KHDRBS2: variants seen among roughly 807,000 people sequenced by gnomAD.
KHDRBS2 encodes KH domain-containing, RNA-binding, signal transduction-associated protein 2.
KHDRBS2 carries 26 observed loss-of-function variants against 44.3 expected under a neutral mutation model. The ratio of observed to expected loss-of-function variants is 0.59; its 90% CI spans 0.43 to 0.81. The LOEUF (loss-of-function observed/expected upper bound fraction) is 0.81, where lower values mean the gene tolerates loss of function less well. Ranked by LOEUF, KHDRBS2 falls within the 40% of genes least tolerant of loss-of-function variation. The pLI is 0.00. For missense variants in KHDRBS2, 476 were observed against 433.1 expected (o/e 1.10, Z -0.88); for synonymous variants, 194 against 151.1 (o/e 1.28, Z -2.08).
chr6:62,226,774 A>C (rs1831910161), intron 1 of KHDRBS2, among the ~76,000 whole-genome samples: 2 of 152,168 alleles, frequency 1.3e-5, no homozygotes, highest in African/African-American at 4.8e-5. Context: ...CATCTATTGA[A>C]TAGGAGATCC....
Position 62,153,591 on chromosome 6 carries a change from T to C in KHDRBS2, c.219+23594A>G, listed in dbSNP as rs147772838. Among the ~76,000 whole-genome samples, 842 of 152,162 alleles carry C rather than the reference T, an allele frequency of 5.5e-3. 9 individuals are homozygous for C. Among genetic ancestry groups the C allele is most frequent in the African/African-American group, 0.019 (801 of 41,498 alleles). On this transcript the variant is annotated intron_variant, in intron 2 of 8. Coordinates refer to ENST00000281156, the MANE Select transcript of KHDRBS2 (RefSeq NM_152688.4). ...AATTAAATAAATATGAACTCTGATATTTATTGTTGTTGATTTTAAAGCATG... is the reference window on the plus strand; with the variant it reads ...AATTAAATAAATATGAACTCTGATACTTATTGTTGTTGATTTTAAAGCATG...
chr6:61,905,045 A>C (rs1165109630), intron 4 of KHDRBS2, among the ~76,000 whole-genome samples: 4 of 152,186 alleles, frequency 2.6e-5, no homozygotes, highest in Non-Finnish European at 4.4e-5. Context: ...TTTACTTTAA[A>C]GTGGTTAGAG....
intron 2 of KHDRBS2, among the ~76,000 whole-genome samples, chr6:62,172,644 A>G (rs888778648): frequency 1.4e-5 from 2 of 142,354 alleles, no homozygotes; most frequent in African/African-American, 5.1e-5. Context: ...CTCTCTGCAC[A>G]TGGCACTTTA....
intron 2 of KHDRBS2, among the ~76,000 whole-genome samples, chr6:62,063,571 A>T (rs1792649402): frequency 6.6e-6 from 1 of 151,794 alleles, no homozygotes; most frequent in Non-Finnish European, 1.5e-5. Context: ...CTTTGACAAA[A>T]TTCAACAACC....
At chr6:61,749,499 C>T (rs999460540) in intron 6 of KHDRBS2, among the ~76,000 whole-genome samples, 10 of 152,132 alleles carry the variant, frequency 6.6e-5, no homozygotes, top group Non-Finnish European at 1.0e-4. Context: ...TAAATGATGT[C>T]AGTTTGAGAG....
chr6:61,583,296 G>T, the KHDRBS2 span, among the ~76,000 whole-genome samples: 1 of 151,664 alleles, frequency 6.6e-6, no homozygotes, highest in Admixed American at 6.6e-5. Flanking sequence ...CATCTATATT[G>T]TTGCATATAT....
the KHDRBS2 span, among the ~76,000 whole-genome samples, chr6:61,645,541 T>A: frequency 6.7e-6 from 1 of 150,186 alleles, no homozygotes; most frequent in East Asian, 2.0e-4. Flanking sequence ...AAAAAGGTAT[T>A]TGAGTAGTCC....
At chr6:62,178,928 A>G (rs1355140890) in intron 1 of KHDRBS2, among the ~76,000 whole-genome samples, 1 of 151,512 alleles carries the variant, frequency 6.6e-6, no homozygotes, top group East Asian at 1.9e-4. Flanking sequence ...GTTTCATATA[A>G]ATTTATTTAT....
intron 6 of KHDRBS2, among the ~76,000 whole-genome samples, chr6:61,848,782 A>C (rs1795022642): frequency 6.6e-6 from 1 of 150,768 alleles, no homozygotes; most frequent in Admixed American, 6.7e-5. Flanking sequence ...TTGTATATTT[A>C]TTTCCTTTTT....
the KHDRBS2 span, among the ~76,000 whole-genome samples, chr6:61,642,139 C>G: frequency 6.6e-6 from 1 of 152,102 alleles, no homozygotes; most frequent in African/African-American, 2.4e-5. Context: ...GTTCCTATTC[C>G]CTACTTCTGT....
At chr6:62,114,733 AG>A (rs1805806539) in intron 2 of KHDRBS2, among the ~76,000 whole-genome samples, 1 of 149,070 alleles carries the variant, frequency 6.7e-6, no homozygotes, top group Admixed American at 6.6e-5. Context: ...CCCATTTTAC[AG>A]ACAAGGAATC....
chr6:62,176,421 A>G (rs2150122669), intron 2 of KHDRBS2, among the ~76,000 whole-genome samples: 1 of 151,506 alleles, frequency 6.6e-6, no homozygotes, highest in East Asian at 1.9e-4. Flanking sequence ...TTGGTAAACC[A>G]GAGCATTTAT....
intron 3 of KHDRBS2, among the ~76,000 whole-genome samples, chr6:61,988,948 C>T (rs890700409): frequency 4.6e-5 from 7 of 152,012 alleles, no homozygotes; most frequent in Non-Finnish European, 7.4e-5. Context: ...AAAAGATGAA[C>T]GCTTGAATAA....
chr6:61,997,744 C>G (rs566486550), intron 3 of KHDRBS2, among the ~76,000 whole-genome samples: 4 of 152,290 alleles, frequency 2.6e-5, no homozygotes, highest in African/African-American at 9.6e-5. Context: ...AGAATGTTCT[C>G]TCAAGGCCTT....
chr6:62,263,614 A>T (rs982554444), intron 1 of KHDRBS2, among the ~76,000 whole-genome samples: 2 of 151,768 alleles, frequency 1.3e-5, no homozygotes, highest in African/African-American at 4.8e-5. Context: ...TTAACTTTGT[A>T]ACAGGAAAAT....
At chr6:62,049,540 A>T (rs1788512857) in intron 2 of KHDRBS2, among the ~76,000 whole-genome samples, 1 of 150,820 alleles carries the variant, frequency 6.6e-6, no homozygotes. Flanking sequence ...GCTTTTATTC[A>T]TATGTTCGTT....
chr6:62,081,654 A>G (rs2127355292), intron 2 of KHDRBS2, among the ~76,000 whole-genome samples: 1 of 152,294 alleles, frequency 6.6e-6, no homozygotes, highest in South Asian at 2.1e-4. Context: ...AGCACATTTC[A>G]AAGAGTTATT....
intron 2 of KHDRBS2, among the ~76,000 whole-genome samples, chr6:62,049,222 T>C (rs1330840557): frequency 6.6e-6 from 1 of 151,734 alleles, no homozygotes; most frequent in Non-Finnish European, 1.5e-5. Flanking sequence ...AGCAAAAGTG[T>C]CAAAGCAACC....
chr6:62,146,175 G>T (rs1562955205), intron 2 of KHDRBS2, among the ~76,000 whole-genome samples: 2 of 151,722 alleles, frequency 1.3e-5, no homozygotes, highest in Non-Finnish European at 3.0e-5. Flanking sequence ...TCTACTGAAA[G>T]GGCAAAACTG....
Sources: gnomAD v4.1 joint callset for allele counts (sites outside exome capture counted in the v4.1 genomes callset) on GRCh38, gnomAD v4.1.1 for gene constraint, MANE v1.5 for transcripts, NCBI Gene and HGNC (gene_info 2026-07-23, HGNC 2026-07-21) for gene names.